Variants in SULT2B1 observed in about 807,000 individuals in gnomAD.
The protein encoded by SULT2B1 is sulfotransferase 2B1.
SULT2B1 carries 16 observed loss-of-function variants against 33.2 expected under a neutral mutation model. That is an observed-to-expected ratio of 0.48 (90% CI 0.33 to 0.73). SULT2B1 has a LOEUF of 0.73. Ranked by LOEUF, SULT2B1 falls within the 30% of genes least tolerant of loss-of-function variation. SULT2B1 has a pLI of 0.02. For synonymous variants in SULT2B1, 186 were observed against 200.5 expected (o/e 0.93, Z 0.61); for missense variants, 500 against 506.0 (o/e 0.99, Z 0.11).
chr19:48,590,761 C>T (rs1488873723), intron 3 of SULT2B1, among the ~76,000 whole-genome samples: 1 of 152,182 alleles, frequency 6.6e-6, no homozygotes, highest in African/African-American at 2.4e-5. Flanking sequence ...CAAGACCTCA[C>T]ACCAGCAGCC....
intron 1 of SULT2B1, among the ~76,000 whole-genome samples, chr19:48,569,358 AAAAAC>A (rs1489729013): frequency 3.9e-4 from 7 of 17,840 alleles, no homozygotes; most frequent in African/African-American, 3.1e-3. Flanking sequence ...AAAAAAAAAA[AAAAAC>A]ATATATATAT....
chr19:48,591,704 C>A lies in SULT2B1; in HGVS notation c.519C>A (p.Asp173Glu), dbSNP rs1281169729. The change falls in exon 4 of 7, where the codon GAC (aspartate) becomes GAA (glutamate). Residue 173 changes from aspartate (D) to glutamate (E), a missense_variant. Physicochemically the swap from Asp to Glu is conservative, Grantham distance 45. Transcript: ENST00000201586. The stretch of plus-strand genomic sequence containing the variant: ...AGTTAAAGGACCCGGGCACACCCGA[C>A]CAGTTCCTGAGGGACTTCCTCAAAG... ...AGQLKDPGTPDQFLRDFLKGE... is the reference protein window; with the variant it reads ...AGQLKDPGTPEQFLRDFLKGE... The A allele has an allele frequency of 6.2e-7, 1 of 1,610,166 alleles. No homozygotes were observed. Among genetic ancestry groups the A allele is most frequent in the South Asian group, 1.1e-5 (1 of 90,464 alleles).
At chr19:48,575,374 G>A (rs1373505973) in intron 1 of SULT2B1, among the ~76,000 whole-genome samples, 2 of 150,614 alleles carry the variant, frequency 1.3e-5, no homozygotes, top group African/African-American at 2.4e-5. Context: ...TCCTGACCTC[G>A]TGATCCACCC....
chr19:48,593,062 A>G (rs904881461), intron 5 of SULT2B1, among the ~76,000 whole-genome samples: 1 of 152,188 alleles, frequency 6.6e-6, no homozygotes, highest in Non-Finnish European at 1.5e-5. Context: ...GGGAAGGAAG[A>G]TAAGGAATGG....
chr19:48,558,594 C>T (rs568772692), intron 1 of SULT2B1, among the ~76,000 whole-genome samples: 185 of 151,988 alleles, frequency 1.2e-3, no homozygotes, highest in Non-Finnish European at 2.3e-3. Context: ...CCCCACCTTC[C>T]TTAGGGAGGG....
At chr19:48,563,512 T>A (rs1973205618) in intron 1 of SULT2B1, among the ~76,000 whole-genome samples, 1 of 152,068 alleles carries the variant, frequency 6.6e-6, no homozygotes, top group African/African-American at 2.4e-5. Context: ...ACGGAAAATG[T>A]CAGAAACATT....
At position 48,569,215 on chromosome 19, in the gene SULT2B1, G is replaced by A. The variant is rs1000552027; in HGVS notation, c.72-6726G>A. 2.4e-4 allele frequency among the ~76,000 whole-genome samples: 36 copies of A among 151,438 alleles called. No homozygotes were observed. The East Asian group carries it at 5.0e-3, about 21-fold the overall frequency. Reference sequence around the variant, plus strand: ...AAATTAGCAGGGCGTGGTGGCGGGCGCCTGTAGTCCCAGCTACTCAGGAGG... The same window carrying A: ...AAATTAGCAGGGCGTGGTGGCGGGCACCTGTAGTCCCAGCTACTCAGGAGG... On this transcript the variant is annotated intron_variant, in intron 1 of 6. Transcript: ENST00000201586.
chr19:48,563,224 G>A lies in SULT2B1; in HGVS notation c.71+10901G>A, dbSNP rs201827264. Among the ~76,000 whole-genome samples, 7 of 134,510 alleles carry A rather than the reference G, an allele frequency of 5.2e-5. No homozygotes were observed. The East Asian group carries it at 6.3e-4, about 12-fold the overall frequency. 88.2% of individuals were successfully genotyped at this position (134,510 alleles called of 152,430 possible). A position where few individuals can be genotyped will look rare whatever the true frequency, so the allele number is the denominator to read the frequency against. On this transcript the variant is annotated intron_variant, in intron 1 of 6. Transcript: ENST00000201586. The stretch of plus-strand genomic sequence containing the variant: ...GAGCCACCGCACCCAGCCTCCTATC[G>A]GATCTTAAAACCTACTTTACAGCTA...
intron 1 of SULT2B1, among the ~76,000 whole-genome samples, chr19:48,556,125 C>A (rs1427013668): frequency 6.6e-6 from 1 of 152,202 alleles, no homozygotes; most frequent in Non-Finnish European, 1.5e-5. Flanking sequence ...CCTGGGCTGA[C>A]CTCTGCCCTC....
Position 48,599,257 on chromosome 19 carries a change from G to A in SULT2B1, c.949G>A (p.Gly317Ser), listed in dbSNP as rs1347853405. The A allele has an allele frequency of 9.9e-6, 16 of 1,610,612 alleles. No individual in the cohort carries two copies. Among genetic ancestry groups the A allele is most frequent in the African/African-American group, 6.7e-5 (5 of 74,806 alleles). ...FPWDEDPEED[G>S]SPDPEPSPEP... The stretch of plus-strand genomic sequence containing the variant: ...CTGGGATGAAGACCCGGAGGAGGAC[G>A]GCAGCCCAGATCCTGAGCCCAGCCC... Residue 317 changes from glycine to serine, a missense_variant, in exon 7 of 7, where the codon GGC becomes AGC. Coordinates refer to ENST00000201586, the MANE Select transcript of SULT2B1 (RefSeq NM_177973.2). The surrounding 1 kb of genome is among the most constrained non-coding windows in gnomAD (Gnocchi z 4.1).
chr19:48,555,549 CCTCT>C (rs142655043), intron 1 of SULT2B1, among the ~76,000 whole-genome samples: 5,059 of 124,108 alleles, frequency 0.041, 173 homozygotes, highest in African/African-American at 0.083. Flanking sequence ...CCAGAGACAT[CCTCT>C]CTCTCTCTCT....
intron 6 of SULT2B1, among the ~76,000 whole-genome samples, chr19:48,597,486 A>G (rs900875842): frequency 1.3e-5 from 2 of 150,590 alleles, no homozygotes; most frequent in African/African-American, 4.9e-5. Flanking sequence ...CTGAGACTAC[A>G]GGCACCTGAA....
intron 4 of SULT2B1, among the ~76,000 whole-genome samples, chr19:48,592,234 G>A (rs1973652566): frequency 6.6e-6 from 1 of 152,140 alleles, no homozygotes; most frequent in Admixed American, 6.6e-5. Context: ...GGAGCTTGCA[G>A]TGAGCCAAGA....
chr19:48,578,566 A>G (rs923141740), intron 2 of SULT2B1, among the ~76,000 whole-genome samples: 1 of 151,832 alleles, frequency 6.6e-6, no homozygotes, highest in Non-Finnish European at 1.5e-5. Context: ...TGGGTGGCAG[A>G]GACTGTCTCA....
rs1269807680 is a variant in SULT2B1 at position 48,584,528 on chromosome 19, A to G, written c.215-2701A>G. 1.4e-4 allele frequency among the ~76,000 whole-genome samples: 19 copies of G among 140,374 alleles called. No individual in the cohort carries two copies. The South Asian group carries it at 2.1e-3, about 16-fold the overall frequency. 92.1% of individuals were successfully genotyped at this position (140,374 alleles called of 152,430 possible). On this transcript the variant is annotated intron_variant, in intron 2 of 6. Transcript: ENST00000201586. ...AATGTTTACAGGGTCCAGCTCCAAT[A>G]TCACAAAAACGGCAGAGAGGCATGA... is the stretch of plus-strand genomic sequence containing the variant.
intron 1 of SULT2B1, among the ~76,000 whole-genome samples, chr19:48,559,737 G>A (rs1973150051): frequency 6.6e-6 from 1 of 150,702 alleles, no homozygotes; most frequent in African/African-American, 2.5e-5. Context: ...GCCTGGAGTG[G>A]AGGCCCTAAG....
At position 48,579,305 on chromosome 19, in the gene SULT2B1, C is replaced by T. The variant is rs1179387558; in HGVS notation, c.214+3222C>T. Among the ~76,000 whole-genome samples the T allele has an allele frequency of 2.8e-5, 4 of 141,090 alleles. No homozygotes were observed. The South Asian group carries it at 6.6e-4, about 23-fold the overall frequency. 92.6% of individuals were successfully genotyped at this position (141,090 alleles called of 152,430 possible). A position where few individuals can be genotyped will look rare whatever the true frequency, so the allele number is the denominator to read the frequency against. The stretch of plus-strand genomic sequence containing the variant: ...GTTCTTTTTTTTTTTTTTTTTGAGA[C>T]GGAGTCTCGCTCTGTCGCCCAGGCT... On this transcript the variant is annotated intron_variant, in intron 2 of 6. Transcript: ENST00000201586.
chr19:48,568,826 C>T (rs926803002), intron 1 of SULT2B1, among the ~76,000 whole-genome samples: 64 of 152,058 alleles, frequency 4.2e-4, no homozygotes, highest in Admixed American at 4.2e-3. Flanking sequence ...AAGGGTGGGC[C>T]GCTCAGGGCC....
chr19:48,560,193 G>T (rs750600577), intron 1 of SULT2B1, among the ~76,000 whole-genome samples: 14 of 152,036 alleles, frequency 9.2e-5, no homozygotes, highest in Admixed American at 1.3e-4. Flanking sequence ...TTCTGAGACC[G>T]CTGCTGAGCC....
Sources: gnomAD v4.1 joint callset for allele counts (sites outside exome capture counted in the v4.1 genomes callset) on GRCh38, gnomAD v4.1.1 for gene constraint, Gnocchi (gnomAD v3.1) non-coding constraint, MANE v1.5 for transcripts, NCBI Gene and HGNC (gene_info 2026-07-23, HGNC 2026-07-21) for gene names.